Variants in SLX4IP observed in about 807,000 individuals in gnomAD.
SLX4IP encodes the protein protein SLX4IP.
In SLX4IP, 34 loss-of-function variants were observed where a neutral mutation model predicts 32.9. The ratio of observed to expected loss-of-function variants is 1.03; its 90% CI spans 0.79 to 1.38. The LOEUF (loss-of-function observed/expected upper bound fraction) is 1.38. SLX4IP is among the 40% of genes most tolerant of loss of function. SLX4IP has a pLI of 0.00. For missense variants in SLX4IP, 444 were observed against 479.0 expected (o/e 0.93, Z 0.68); for synonymous variants, 172 against 171.7 (o/e 1.00, Z -0.01).
chr20:10,535,638 G>A lies in SLX4IP; in HGVS notation c.28-20593G>A, dbSNP rs115840834. Among the ~76,000 whole-genome samples the A allele has an allele frequency of 2.5e-3, 384 of 152,182 alleles. 1 individual carries two copies. Among genetic ancestry groups the A allele is most frequent in the Middle Eastern group, 0.014 (4 of 294 alleles). ...GCCCGGCCCAAGAACATGTAGTTTTGTCTAGGGTAAGAGTCAAGGTATGAA... is the reference window on the plus strand; with the variant it reads ...GCCCGGCCCAAGAACATGTAGTTTTATCTAGGGTAAGAGTCAAGGTATGAA... On this transcript the variant is annotated intron_variant, in intron 2 of 7. Coordinates refer to ENST00000334534, the MANE Select transcript of SLX4IP (RefSeq NM_001009608.3).
chr20:10,541,305 C>A (rs1328101928), intron 2 of SLX4IP, among the ~76,000 whole-genome samples: 1 of 152,208 alleles, frequency 6.6e-6, no homozygotes, highest in Non-Finnish European at 1.5e-5. Flanking sequence ...TAGGAGCCTT[C>A]TGGAATTCCC....
intron 2 of SLX4IP, among the ~76,000 whole-genome samples, chr20:10,479,077 C>T (rs188987222): frequency 1.4e-4 from 21 of 152,322 alleles, no homozygotes; most frequent in Admixed American, 5.9e-4. Context: ...TCGGGACTGG[C>T]ATTGGAGAAG....
chr20:10,580,706 T>G (rs1018819795), intron 4 of SLX4IP, among the ~76,000 whole-genome samples: 15 of 151,988 alleles, frequency 9.9e-5, no homozygotes, highest in Admixed American at 9.8e-4. Flanking sequence ...AGTTGGATGG[T>G]TCCGGTTCGA....
intron 2 of SLX4IP, among the ~76,000 whole-genome samples, chr20:10,497,324 A>G (rs1390593493): frequency 6.6e-6 from 1 of 152,150 alleles, no homozygotes; most frequent in East Asian, 1.9e-4. Context: ...TGTAGATGAG[A>G]CATCTGCCAT....
intron 2 of SLX4IP, among the ~76,000 whole-genome samples, chr20:10,486,456 G>A (rs1461739378): frequency 6.6e-6 from 1 of 152,154 alleles, no homozygotes; most frequent in African/African-American, 2.4e-5. Context: ...TGGAACTGGT[G>A]TGCCAGGCTC....
intron 1 of SLX4IP, among the ~76,000 whole-genome samples, chr20:10,456,984 G>T (rs2065290238): frequency 6.6e-6 from 1 of 151,928 alleles, no homozygotes; most frequent in Non-Finnish European, 1.5e-5. Flanking sequence ...ATGTTATTAT[G>T]AATAGAATTT....
intron 2 of SLX4IP, among the ~76,000 whole-genome samples, chr20:10,501,534 C>T (rs916080903): frequency 2.0e-5 from 3 of 152,246 alleles, no homozygotes; most frequent in Non-Finnish European, 4.4e-5. Context: ...CCTTCAGAGG[C>T]GGAACTGCTC....
At chr20:10,590,007 C>T (rs2066688237) in intron 4 of SLX4IP, among the ~76,000 whole-genome samples, 1 of 151,740 alleles carries the variant, frequency 6.6e-6, no homozygotes. Flanking sequence ...TTCGCAGCTT[C>T]CAAACTGCCT....
chr20:10,514,225 A>T lies in SLX4IP; in HGVS notation c.28-42006A>T, dbSNP rs2065832646. 2.0e-5 allele frequency among the ~76,000 whole-genome samples: 3 copies of T among 152,158 alleles called. No homozygotes were observed. In the South Asian group the frequency reaches 6.2e-4, roughly 32 times the overall value. On this transcript the variant is annotated intron_variant, in intron 2 of 7. Transcript: ENST00000334534. The stretch of plus-strand genomic sequence containing the variant: ...ACCGGTGAATATGCCTCCTGGCCCC[A>T]ACTTTTTAAAATGTATCCTTTGAGG...
intron 6 of SLX4IP, chr20:10,613,577 A>G (rs1246513417): frequency 6.2e-7 from 1 of 1,612,570 alleles, no homozygotes; most frequent in Admixed American, 1.7e-5. Flanking sequence ...CCTTCAGGCT[A>G]TCCACGCCTT....
intron 2 of SLX4IP, among the ~76,000 whole-genome samples, chr20:10,533,750 G>C (rs919987957): frequency 5.9e-5 from 9 of 151,500 alleles, no homozygotes; most frequent in Admixed American, 4.6e-4. Context: ...CTCCAGAGTA[G>C]CTGGGACTAT....
In SLX4IP at chr20:10,623,298, C is replaced by T. The variant is rs1600168248; in HGVS notation, c.1146C>T (p.Gly382=). 5 of 1,614,102 alleles carry T rather than the reference C, an allele frequency of 3.1e-6. No individual in the cohort carries two copies. Among genetic ancestry groups the T allele is most frequent in the Non-Finnish European group, 4.2e-6 (5 of 1,180,022 alleles). The change falls in exon 8 of 8, where the codon GGC becomes GGT. Residue 382 remains glycine (G), a synonymous_variant. Transcript: ENST00000334534. ...ACCCAGGGCAGGCACAGCAAACCGGCTTAGCCACAAACACTGAAAGATTAT... is the reference window on the plus strand; with the variant it reads ...ACCCAGGGCAGGCACAGCAAACCGGTTTAGCCACAAACACTGAAAGATTAT... ...KNNPGQAQQT[G]LATNTERLST...
chr20:10,463,681 GA>G (rs2065356981), intron 2 of SLX4IP, among the ~76,000 whole-genome samples: 1 of 152,174 alleles, frequency 6.6e-6, no homozygotes, highest in African/African-American at 2.4e-5. Context: ...TAGGAATATA[GA>G]AAACTAAACA....
chr20:10,557,959 T>A (rs2066285438), intron 3 of SLX4IP, among the ~76,000 whole-genome samples: 1 of 152,212 alleles, frequency 6.6e-6, no homozygotes, highest in Non-Finnish European at 1.5e-5. Context: ...CACTGGCAGC[T>A]GCAAGGGGCA....
Position 10,490,030 on chromosome 20 carries a change from A to G in SLX4IP, c.27+31799A>G, listed in dbSNP as rs984295625. ...AAAAAAGTTCTTAGTGTTAATATCT[A>G]ATTCTAAGGAGGCCATGATGAATCA... On this transcript the variant is annotated intron_variant, in intron 2 of 7. Coordinates refer to ENST00000334534, the MANE Select transcript of SLX4IP (RefSeq NM_001009608.3). 1.7e-4 allele frequency among the ~76,000 whole-genome samples: 26 copies of G among 152,264 alleles called. 1 individual carries two copies. In the East Asian group the frequency reaches 5.0e-3, roughly 29 times the overall value.
At chr20:10,517,393 G>A (rs951052824) in intron 2 of SLX4IP, among the ~76,000 whole-genome samples, 2 of 152,216 alleles carry the variant, frequency 1.3e-5, no homozygotes, top group Non-Finnish European at 2.9e-5. Context: ...GGGATAAACA[G>A]AGTGTTCTAA....
chr20:10,613,289 C>G (rs577414318), intron 6 of SLX4IP: 2 of 678,970 alleles, frequency 2.9e-6, no homozygotes, highest in South Asian at 3.6e-5. Context: ...TTGAGAGATT[C>G]TGCTTGGTCT....
chr20:10,506,882 C>T (rs935748919), intron 2 of SLX4IP, among the ~76,000 whole-genome samples: 2 of 152,186 alleles, frequency 1.3e-5, no homozygotes, highest in Admixed American at 1.3e-4. Context: ...ATTTTCCCGA[C>T]TTTATTGGGA....
In SLX4IP at chr20:10,562,092, C is replaced by T. The variant is rs116777229; in HGVS notation, c.238+1272C>T. Reference sequence around the variant, plus strand: ...TTGAGTGTTTACAGATCCTCAAGCCCCAGTGGGCGTGTGTTACAATGTGCT... The same window carrying T: ...TTGAGTGTTTACAGATCCTCAAGCCTCAGTGGGCGTGTGTTACAATGTGCT... On this transcript the variant is annotated intron_variant, in intron 4 of 7. Coordinates refer to ENST00000334534, the MANE Select transcript of SLX4IP (RefSeq NM_001009608.3). Among the ~76,000 whole-genome samples the T allele has an allele frequency of 8.3e-3, 1,262 of 152,250 alleles. 23 individuals carry two copies. Among genetic ancestry groups the T allele is most frequent in the African/African-American group, 0.029 (1,196 of 41,550 alleles).
Sources: allele counts gnomAD v4.1 joint callset (sites outside exome capture counted in the v4.1 genomes callset), GRCh38; gene constraint gnomAD v4.1.1; transcripts MANE v1.5; gene names NCBI Gene and HGNC (gene_info 2026-07-23, HGNC 2026-07-21).